Variants in FRY observed in about 807,000 individuals in gnomAD.
FRY encodes FRY microtubule binding protein, also known as protein furry homolog.
Under a neutral mutation model 348.4 loss-of-function variants are expected in FRY, and 128 were observed. The ratio of observed to expected loss-of-function variants is 0.37; its 90% CI spans 0.32 to 0.43. The LOEUF (loss-of-function observed/expected upper bound fraction) is 0.43. FRY is among the 20% of genes least tolerant of loss of function. The pLI is 1.00. For missense variants in FRY, 2,736 were observed against 3,695.2 expected, an observed-to-expected ratio of 0.74 and a Z score of 6.73; for synonymous variants, 1,370 against 1,374.7, an observed-to-expected ratio of 1.00 and a Z score of 0.08.
At chr13:32,281,124 C>G (rs553539164) in intron 58 of FRY, among the ~76,000 whole-genome samples, 44 of 152,232 alleles carry the variant, frequency 2.9e-4, no homozygotes, top group African/African-American at 1.0e-3. Context: ...AAATAGAGTT[C>G]ACCTATTTAT....
At chr13:32,292,527 C>T (rs550780383) in intron 59 of FRY, among the ~76,000 whole-genome samples, 30 of 152,086 alleles carry the variant, frequency 2.0e-4, no homozygotes, top group South Asian at 6.2e-4. Flanking sequence ...GGTGCGGTGG[C>T]TCACGCCTGT....
At chr13:32,182,786 A>G (rs1033751813) in intron 23 of FRY, among the ~76,000 whole-genome samples, 191 bp from the exon 24 acceptor site, 4 of 152,234 alleles carry the variant, frequency 2.6e-5, no homozygotes, top group Non-Finnish European at 5.9e-5. Flanking sequence ...TAAGACCAGT[A>G]ATACAAAGTA....
chr13:32,213,240 G>T (rs1250859308), intron 35 of FRY, among the ~76,000 whole-genome samples: 1 of 152,190 alleles, frequency 6.6e-6, no homozygotes, highest in Non-Finnish European at 1.5e-5. Flanking sequence ...GCATCCTGAG[G>T]ATTTCATCAT....
At chr13:32,144,802 T>C (rs917660286) in intron 11 of FRY, among the ~76,000 whole-genome samples, 4 of 152,186 alleles carry the variant, frequency 2.6e-5, no homozygotes, top group African/African-American at 9.7e-5. Context: ...GTCCCCTTTT[T>C]TCAGAGAACC....
At position 32,194,788 on chromosome 13, in the gene FRY, T is replaced by G. The variant is rs115262874; in HGVS notation, c.3746+491T>G. 8.5e-3 allele frequency among the ~76,000 whole-genome samples: 1,300 copies of G among 152,300 alleles called. 21 individuals carry two copies. Among genetic ancestry groups the G allele is most frequent in the African/African-American group, 0.03 (1,252 of 41,558 alleles). On this transcript the variant is annotated intron_variant, in intron 29 of 60. Transcript: ENST00000542859. The stretch of plus-strand genomic sequence containing the variant: ...ATTACACTTTTAAAACCATTGCCTT[T>G]GTTATATAAATTAGTTATTCAGTGT...
chr13:32,077,189 C>T (rs1369631222), intron 1 of FRY, among the ~76,000 whole-genome samples: 1 of 152,148 alleles, frequency 6.6e-6, no homozygotes, highest in Non-Finnish European at 1.5e-5. Flanking sequence ...AGGCAAACTA[C>T]TAAAGGCCCT....
intron 55 of FRY, among the ~76,000 whole-genome samples, chr13:32,272,679 A>C (rs1438826050): frequency 6.6e-6 from 1 of 152,064 alleles, no homozygotes; most frequent in Non-Finnish European, 1.5e-5. Flanking sequence ...AAAACAAAAA[A>C]CATTGTGCAC....
chr13:32,216,807 G>C (rs1480980415), intron 35 of FRY, among the ~76,000 whole-genome samples: 1 of 152,200 alleles, frequency 6.6e-6, no homozygotes, highest in Non-Finnish European at 1.5e-5. Flanking sequence ...CAATGTCTTA[G>C]ATATTCTGTT....
intron 1 of FRY, among the ~76,000 whole-genome samples, 164 bp downstream of exon 1, chr13:32,032,029 T>TTCTTTCTTTCTTTCTTTC (rs1872263955): frequency 6.6e-6 from 1 of 150,778 alleles, no homozygotes; most frequent in Admixed American, 6.6e-5. Context: ...TTCTTTTTCT[T>TTCTTTCTTTCTTTCTTTC]TCTTTCTTTC....
intron 3 of FRY, among the ~76,000 whole-genome samples, chr13:32,115,731 C>G (rs1295495683): frequency 1.3e-5 from 2 of 151,730 alleles, no homozygotes; most frequent in Non-Finnish European, 2.9e-5. Context: ...AATTTCTACC[C>G]TTTCTAAAAT....
intron 55 of FRY, among the ~76,000 whole-genome samples, chr13:32,271,293 C>G (rs1888190170): frequency 6.6e-6 from 1 of 152,208 alleles, no homozygotes; most frequent in African/African-American, 2.4e-5. Context: ...TCCTTAAGTT[C>G]TCCAAGCCTC....
chr13:32,181,560 G>A (rs1882710527), intron 23 of FRY, among the ~76,000 whole-genome samples: 1 of 130,516 alleles, frequency 7.7e-6, no homozygotes, highest in South Asian at 2.8e-4. Flanking sequence ...GGGCAACTGA[G>A]TGATACTCCG....
At chr13:32,136,646 G>A (rs1408509820) in intron 10 of FRY, among the ~76,000 whole-genome samples, 2 of 151,990 alleles carry the variant, frequency 1.3e-5, no homozygotes, top group African/African-American at 4.8e-5. Context: ...TTTATTACAC[G>A]CTATCCATAA....
intron 50 of FRY, among the ~76,000 whole-genome samples, chr13:32,252,789 A>G (rs575361570): frequency 6.6e-6 from 1 of 152,246 alleles, no homozygotes; most frequent in African/African-American, 2.4e-5. Context: ...ACAAAGTGAT[A>G]TTTCTTATCG....
Position 32,157,329 on chromosome 13 carries a change from C to A in FRY, c.1708C>A (p.Leu570Ile). The change falls in exon 16 of 61, where the codon CTT becomes ATT. Residue 570 changes from leucine to isoleucine, a missense_variant. Physicochemically the swap from Leu to Ile is conservative, Grantham distance 5. This residue lies in a region of FRY where 191 missense variants were observed against 370.2 expected (regional missense o/e 0.52). Transcript: ENST00000542859. ...RKAVDNILRH[L>I]DKEVGRCMML... ...AGCTGTAGACAACATTTTAAGGCAC[C>A]TTGATAAAGAAGTAGGAAGGTGTAT... The A allele has an allele frequency of 1.2e-6, 2 of 1,612,802 alleles. No homozygotes were observed. The highest frequency in any genetic ancestry group is 2.7e-5 in the African/African-American group (2 of 74,984).
rs117283586 is a variant in FRY, at chr13:32,182,543, G to A, written c.2997-434G>A. Among the ~76,000 whole-genome samples, 5 of 152,324 alleles carry A rather than the reference G, an allele frequency of 3.3e-5. No homozygotes were observed. The East Asian group carries it at 9.6e-4, about 29-fold the overall frequency. ...CCATCTCTTTTCCACTAATTAGACT[G>A]AAAATTTCTTGTGTACAGGGGCTCA... On this transcript the variant is annotated intron_variant, in intron 23 of 60. Coordinates refer to ENST00000542859, the MANE Select transcript of FRY (RefSeq NM_023037.3).
chr13:32,269,697 TAAAA>T (rs34295224), intron 55 of FRY, among the ~76,000 whole-genome samples: 1 of 126,416 alleles, frequency 7.9e-6, no homozygotes, highest in African/African-American at 2.6e-5. Flanking sequence ...ATCTCCATTT[TAAAA>T]AAAAAAAAAG....
chr13:32,074,905 G>A (rs1468155398), intron 1 of FRY, among the ~76,000 whole-genome samples: 1 of 152,182 alleles, frequency 6.6e-6, no homozygotes, highest in Admixed American at 6.5e-5. Context: ...GACCAAGCCA[G>A]GTGGAGGAGA....
At position 32,224,395 on chromosome 13, in the gene FRY, A is replaced by T; in HGVS notation, c.4916+10A>T. 6.2e-6 allele frequency: 10 copies of T among 1,612,712 alleles called. No homozygotes were observed. The highest frequency in any genetic ancestry group is 8.5e-6 in the Non-Finnish European group (10 of 1,179,258). On this transcript the variant is annotated intron_variant, in intron 37 of 60. Transcript: ENST00000542859. ...GGGGGCCACTCCACAGGTGAGCAGC[A>T]TGTGTGGGGAGAAGGAAATCTTAGC...
Sources: allele counts gnomAD v4.1 joint callset (sites outside exome capture counted in the v4.1 genomes callset), GRCh38; gene constraint gnomAD v4.1.1; regional missense constraint gnomAD v4.1.1; transcripts MANE v1.5; gene names NCBI Gene and HGNC (gene_info 2026-07-23, HGNC 2026-07-21).